Variants in CLASP2 observed in about 807,000 individuals in gnomAD.
CLASP2 encodes the protein CLIP-associating protein 2.
A neutral mutation model predicts 194.4 loss-of-function variants in CLASP2; 47 were observed. The ratio of observed to expected loss-of-function variants is 0.24; its 90% CI spans 0.19 to 0.31. The LOEUF (loss-of-function observed/expected upper bound fraction) is 0.31, where lower values mean the gene tolerates loss of function less well. CLASP2 is among the 10% of genes least tolerant of loss of function. CLASP2 has a pLI of 1.00. For missense variants in CLASP2, 1,445 were observed against 1,823.6 expected (o/e 0.79, Z 3.78); for synonymous variants, 619 against 633.5 (o/e 0.98, Z 0.34).
At chr3:33,571,270 C>T (rs1308544875) in intron 25 of CLASP2, among the ~76,000 whole-genome samples, 2 of 151,150 alleles carry the variant, frequency 1.3e-5, no homozygotes, top group African/African-American at 2.4e-5. Context: ...GCCTCAGCCT[C>T]CCAAAGTGCT....
At chr3:33,717,308 G>T (rs901710010) in intron 1 of CLASP2, among the ~76,000 whole-genome samples, 1 of 152,100 alleles carries the variant, frequency 6.6e-6, no homozygotes, top group African/African-American at 2.4e-5. Context: ...CGGAATCGCT[G>T]AATTTGTCAT....
At position 33,696,994 on chromosome 3, in the gene CLASP2, T is replaced by A. The variant is rs2091979976; in HGVS notation, c.196-61A>T. The A allele has an allele frequency of 8.9e-6, 8 of 897,912 alleles. No homozygotes were observed. In the South Asian group the frequency reaches 1.3e-4, roughly 14 times the overall value. 55.6% of individuals were successfully genotyped at this position (897,912 alleles called of 1,614,324 possible). On this transcript the variant is annotated intron_variant, in intron 1 of 38. Coordinates refer to ENST00000682230, the MANE Select transcript of CLASP2 (RefSeq NM_001365631.1). Reference sequence around the variant, plus strand: ...ACTGATGCATACTTTAATATCAGTATTTAATTTTTGACATATAAAAGATCT... The same window carrying A: ...ACTGATGCATACTTTAATATCAGTAATTAATTTTTGACATATAAAAGATCT...
At chr3:33,697,455 G>T (rs991883099) in intron 1 of CLASP2, among the ~76,000 whole-genome samples, 3 of 152,086 alleles carry the variant, frequency 2.0e-5, no homozygotes, top group African/African-American at 4.8e-5. Context: ...AACATAAAAA[G>T]GTAATGCAAG....
chr3:33,579,687 T>TTTTTCA (rs2154207728), intron 23 of CLASP2, among the ~76,000 whole-genome samples: 1 of 151,338 alleles, frequency 6.6e-6, no homozygotes, highest in African/African-American at 2.4e-5. Context: ...CTTGAGGGAG[T>TTTTTCA]TTTTCACGTA....
chr3:33,581,683 C>A, intron 23 of CLASP2, 138 bp downstream of exon 23: 1 of 602,104 alleles, frequency 1.7e-6, no homozygotes, highest in Non-Finnish European at 3.0e-6. Context: ...ATGTAATTTC[C>A]TTTCCTCAAA....
At chr3:33,633,614 A>G (rs893111328) in intron 8 of CLASP2, among the ~76,000 whole-genome samples, 2 of 152,178 alleles carry the variant, frequency 1.3e-5, no homozygotes, top group African/African-American at 2.4e-5. Context: ...ATGTGAATAT[A>G]TATGTTTAAA....
chr3:33,714,238 A>T (rs1459383166), intron 1 of CLASP2, among the ~76,000 whole-genome samples: 1 of 152,174 alleles, frequency 6.6e-6, no homozygotes, highest in African/African-American at 2.4e-5. Flanking sequence ...ATGCCATTTA[A>T]AAATTTGAGA....
intron 6 of CLASP2, among the ~76,000 whole-genome samples, chr3:33,666,035 T>C (rs1022737336): frequency 6.6e-6 from 1 of 152,150 alleles, no homozygotes; most frequent in African/African-American, 2.4e-5. Flanking sequence ...GCCAGTAAAG[T>C]ATTAGGAAGG....
rs145200408 is a variant in CLASP2 at position 33,681,737 on chromosome 3, C to G, written c.644+2622G>C. 7.9e-5 allele frequency among the ~76,000 whole-genome samples: 12 copies of G among 152,286 alleles called. No individual in the cohort carries two copies. The East Asian group carries it at 2.3e-3, about 29-fold the overall frequency. On this transcript the variant is annotated intron_variant, in intron 6 of 38. Coordinates refer to ENST00000682230, the MANE Select transcript of CLASP2 (RefSeq NM_001365631.1). Reference sequence around the variant, plus strand: ...CTGGTTCAACAAACTGTTAAAAGCACATACATACTACTATGGTTTGAATTT... The same window carrying G: ...CTGGTTCAACAAACTGTTAAAAGCAGATACATACTACTATGGTTTGAATTT...
chr3:33,664,253 G>A (rs2154334325), intron 6 of CLASP2, among the ~76,000 whole-genome samples: 1 of 152,234 alleles, frequency 6.6e-6, no homozygotes. Context: ...TCTTCAGAGT[G>A]AAATGGGATA....
At chr3:33,717,425 A>G (rs1336791280) in intron 1 of CLASP2, among the ~76,000 whole-genome samples, 1 of 151,382 alleles carries the variant, frequency 6.6e-6, no homozygotes, top group Non-Finnish European at 1.5e-5. Flanking sequence ...CCCTATTTTT[A>G]TTTATTTTTT....
intron 34 of CLASP2, among the ~76,000 whole-genome samples, chr3:33,528,383 C>A (rs1374826599): frequency 6.6e-6 from 1 of 152,182 alleles, no homozygotes; most frequent in Admixed American, 6.5e-5. Flanking sequence ...AAAACTGGCA[C>A]AAGACAAGGA....
intron 5 of CLASP2, 56 bp downstream of exon 5, chr3:33,687,004 G>C: frequency 1.0e-6 from 1 of 1,002,014 alleles, no homozygotes; most frequent in Non-Finnish European, 1.5e-6. Flanking sequence ...AAGAGGACTA[G>C]AAAAGAAATG....
rs1202458209 is a variant in CLASP2, at chr3:33,659,149, G to T, written c.715+4296C>A. ...CAGCTCTGCACCGCAATAGCCAACAGCTGCTACTCCACTTCAAAATAAAAG... is the reference window on the plus strand; with the variant it reads ...CAGCTCTGCACCGCAATAGCCAACATCTGCTACTCCACTTCAAAATAAAAG... On this transcript the variant is annotated intron_variant, in intron 7 of 38. Coordinates refer to ENST00000682230, the MANE Select transcript of CLASP2 (RefSeq NM_001365631.1). The T allele has an allele frequency of 5.0e-6, 7 of 1,397,694 alleles. No homozygotes were observed. In the Admixed American group the frequency reaches 1.5e-4, roughly 30 times the overall value. 86.6% of individuals were successfully genotyped at this position (1,397,694 alleles called of 1,614,324 possible).
chr3:33,663,201 A>T (rs1470101048), intron 7 of CLASP2, among the ~76,000 whole-genome samples: 5 of 149,932 alleles, frequency 3.3e-5, no homozygotes, highest in Admixed American at 2.6e-4. Flanking sequence ...TATCACCAAA[A>T]AAAAAAAAAA....
intron 1 of CLASP2, among the ~76,000 whole-genome samples, chr3:33,709,065 T>G (rs1575761096): frequency 1.3e-5 from 2 of 152,196 alleles, no homozygotes; most frequent in South Asian, 4.1e-4. Flanking sequence ...CCATTTTGTT[T>G]TGTTGATTGC....
intron 12 of CLASP2, 90 bp downstream of exon 12, chr3:33,619,508 AGGGGT>A: frequency 3.0e-6 from 3 of 1,014,598 alleles, no homozygotes; most frequent in Non-Finnish European, 4.0e-6. Context: ...ATTGAGAGAG[AGGGGT>A]GGGGTGGGGA....
chr3:33,631,315 T>C (rs942841118), intron 9 of CLASP2, among the ~76,000 whole-genome samples: 2 of 152,168 alleles, frequency 1.3e-5, no homozygotes, highest in African/African-American at 4.8e-5. Context: ...CTAAGTAAAC[T>C]TAAAGATTAT....
Position 33,538,716 on chromosome 3 carries a change from A to C in CLASP2, c.3558+73T>G, listed in dbSNP as rs917859955. Reference sequence around the variant, plus strand: ...AAAAGTATATTCAAAAATGACAGAAAGCAAAATGTAATTTAAAAAATTATT... The same window carrying C: ...AAAAGTATATTCAAAAATGACAGAACGCAAAATGTAATTTAAAAAATTATT... On this transcript the variant is annotated intron_variant, in intron 33 of 38. Transcript: ENST00000682230. 11 of 1,271,230 alleles carry C rather than the reference A, an allele frequency of 8.7e-6. No individual in the cohort carries two copies. The African/African-American group carries it at 1.7e-4, about 19-fold the overall frequency. 78.7% of individuals were successfully genotyped at this position (1,271,230 alleles called of 1,614,324 possible). A position where few individuals can be genotyped will look rare whatever the true frequency, so the allele number is the denominator to read the frequency against.
Sources: allele counts gnomAD v4.1 joint callset (sites outside exome capture counted in the v4.1 genomes callset), GRCh38; gene constraint gnomAD v4.1.1; transcripts MANE v1.5; gene names NCBI Gene and HGNC (gene_info 2026-07-23, HGNC 2026-07-21).